WWOX: variants seen among roughly 807,000 people sequenced by gnomAD.
WWOX encodes the protein WW domain containing oxidoreductase.
Under a neutral mutation model 46.2 loss-of-function variants are expected in WWOX, and 69 were observed. The observed-to-expected ratio is 1.49, with a 90% CI of 1.23 to 1.82. The LOEUF is 1.82. WWOX is among the 40% of genes most tolerant of loss of function. The pLI, the probability that WWOX is intolerant of heterozygous loss-of-function variation, is 0.00. For missense variants in WWOX, 919 were observed against 542.6 expected, an observed-to-expected ratio of 1.69 and a Z score of -6.89; for synonymous variants, 359 against 202.6, an observed-to-expected ratio of 1.77 and a Z score of -6.56.
At chr16:78,763,277 G>A (rs1290781883) in intron 8 of WWOX, among the ~76,000 whole-genome samples, 1 of 152,190 alleles carries the variant, frequency 6.6e-6, no homozygotes, top group Non-Finnish European at 1.5e-5. Flanking sequence ...TTGGTATGTT[G>A]TATTTTCATT....
In WWOX at chr16:78,425,011, C is replaced by T. The variant is rs375934868; in HGVS notation, c.747C>T (p.Arg249=). Residue 249 remains arginine (R), a synonymous_variant, in exon 7 of 9, where the codon CGC becomes CGT. Transcript: ENST00000566780. ...LVQLLQDVLC[R]SAPARVIVVS... ...AGCTCCTCCAGGATGTTTTGTGCCGCTCAGCTCCTGCCCGTGTCATTGTGG... is the reference window on the plus strand; with the variant it reads ...AGCTCCTCCAGGATGTTTTGTGCCGTTCAGCTCCTGCCCGTGTCATTGTGG... 1.9e-6 allele frequency: 3 copies of T among 1,613,986 alleles called. No homozygotes were observed. The highest frequency in any genetic ancestry group is 1.7e-6 in the Non-Finnish European group (2 of 1,180,040).
rs773624479 is a variant in WWOX, at chr16:79,212,038, C to CTGTT, written c.*245_*248dup. 1.8e-4 allele frequency: 281 copies of CTGTT among 1,536,244 alleles called. 1 individual carries two copies. Among genetic ancestry groups the CTGTT allele is most frequent in the Middle Eastern group, 8.3e-4 (5 of 5,990 alleles). On this transcript the variant is annotated 3_prime_UTR_variant, in exon 9 of 9. Coordinates refer to ENST00000566780, the MANE Select transcript of WWOX (RefSeq NM_016373.4). The stretch of plus-strand genomic sequence containing the variant: ...GGTCTCTTTGCTTTCTGGTGGTGGC[C>CTGTT]TGTTTGAAAGTAAAAACCTGCTTGG...
intron 8 of WWOX, among the ~76,000 whole-genome samples, chr16:79,082,741 C>T (rs1237732300): frequency 6.6e-6 from 1 of 152,146 alleles, no homozygotes; most frequent in Non-Finnish European, 1.5e-5. Context: ...TCATGTGATG[C>T]AAACTTTTGA....
At chr16:79,122,839 A>G (rs756909646) in intron 8 of WWOX, among the ~76,000 whole-genome samples, 7 of 152,286 alleles carry the variant, frequency 4.6e-5, no homozygotes, top group Middle Eastern at 3.4e-3. Context: ...ACATCTTCAT[A>G]TGCCCATTTT....
rs548366256 is a variant in WWOX, at chr16:78,542,018, C to CAAAAAAAAAAAAAAAA, written c.1056+109279_1056+109294dup. On this transcript the variant is annotated intron_variant, in intron 8 of 8. Transcript: ENST00000566780. Reference sequence around the variant, plus strand: ...GAGGGTTTCTTTCAACAGAGTATACCAAAAAAAAAAAAAAAAAAAAAAAAA... The same window carrying CAAAAAAAAAAAAAAAA: ...GAGGGTTTCTTTCAACAGAGTATACCAAAAAAAAAAAAAAAAAAAAAAAAAAAAAAAAAAAAAAAAA... Among the ~76,000 whole-genome samples the CAAAAAAAAAAAAAAAA allele has an allele frequency of 4.9e-4, 20 of 40,638 alleles. 4 individuals are homozygous for CAAAAAAAAAAAAAAAA. Among genetic ancestry groups the CAAAAAAAAAAAAAAAA allele is most frequent in the Non-Finnish European group, 6.4e-4 (16 of 24,854 alleles). 26.7% of individuals were successfully genotyped at this position (40,638 alleles called of 152,430 possible).
intron 8 of WWOX, chr16:78,994,240 C>T (rs1049259552): frequency 1.3e-5 from 2 of 151,902 alleles, no homozygotes; most frequent in African/African-American, 4.8e-5. Flanking sequence ...TTTCCCCTAG[C>T]GTGCTGAAGG....
Position 78,512,699 on chromosome 16 carries a change from T to G in WWOX, c.1056+79947T>G, listed in dbSNP as rs2085391293. On this transcript the variant is annotated intron_variant, in intron 8 of 8. Transcript: ENST00000566780. ...TCGCAGGTTTTCATGTTATTATGTATATGTGGTAAATAATTAATTTTTTCA... is the reference window on the plus strand; with the variant it reads ...TCGCAGGTTTTCATGTTATTATGTAGATGTGGTAAATAATTAATTTTTTCA... Among the ~76,000 whole-genome samples the G allele has an allele frequency of 2.6e-5, 4 of 152,166 alleles. No homozygotes were observed. The South Asian group carries it at 8.3e-4, about 32-fold the overall frequency.
intron 8 of WWOX, among the ~76,000 whole-genome samples, chr16:78,818,391 T>C (rs776048035): frequency 1.3e-5 from 2 of 152,204 alleles, no homozygotes; most frequent in Non-Finnish European, 2.9e-5. Context: ...ACCACCTTCA[T>C]TGACTCAGGC....
intron 4 of WWOX, among the ~76,000 whole-genome samples, chr16:78,125,686 A>AC (rs1236766495): frequency 6.6e-6 from 1 of 152,100 alleles, no homozygotes. Flanking sequence ...ACATAGCAAG[A>AC]CCCCATCTCT....
intron 8 of WWOX, among the ~76,000 whole-genome samples, chr16:78,454,681 T>C (rs577887917): frequency 6.6e-6 from 1 of 152,112 alleles, no homozygotes; most frequent in African/African-American, 2.4e-5. Context: ...AATTTTTTTT[T>C]GTATTTTTAG....
chr16:79,179,707 G>T (rs2050871905), intron 8 of WWOX, among the ~76,000 whole-genome samples: 1 of 152,156 alleles, frequency 6.6e-6, no homozygotes. Flanking sequence ...CTTTAGTTGG[G>T]TATGGCCAGG....
In WWOX at chr16:78,365,537, G is replaced by T. The variant is rs112507644; in HGVS notation, c.517-21323G>T. 2.1e-3 allele frequency among the ~76,000 whole-genome samples: 320 copies of T among 152,232 alleles called. 2 individuals carry two copies. The highest frequency in any genetic ancestry group is 7.5e-3 in the African/African-American group (313 of 41,540). ...AAAAAGATTCAGATTCCTGCTGGAA[G>T]GTCCATATGTGCTGTCCCCAGTAGG... On this transcript the variant is annotated intron_variant, in intron 5 of 8. Coordinates refer to ENST00000566780, the MANE Select transcript of WWOX (RefSeq NM_016373.4).
intron 5 of WWOX, among the ~76,000 whole-genome samples, chr16:78,315,226 C>G (rs777732813): frequency 6.6e-6 from 1 of 152,182 alleles, no homozygotes; most frequent in South Asian, 2.1e-4. Context: ...TGAAATTGTT[C>G]TATATCTAAA....
intron 8 of WWOX, among the ~76,000 whole-genome samples, chr16:78,491,623 T>A (rs2084787422): frequency 6.6e-6 from 1 of 152,118 alleles, no homozygotes; most frequent in Admixed American, 6.5e-5. Context: ...CTACCACACC[T>A]GGCTACCGTG....
chr16:78,448,234 A>T (rs985218340), intron 8 of WWOX, among the ~76,000 whole-genome samples: 23 of 152,196 alleles, frequency 1.5e-4, no homozygotes, highest in Admixed American at 1.4e-3. Flanking sequence ...TGACCAAAGG[A>T]GCACAGTAAT....
chr16:78,970,021 C>T (rs192979561), intron 8 of WWOX, among the ~76,000 whole-genome samples: 1 of 151,556 alleles, frequency 6.6e-6, no homozygotes, highest in East Asian at 1.9e-4. Context: ...CTCAACAAAG[C>T]TGTTAAAAAA....
At chr16:78,643,551 C>T (rs955383146) in intron 8 of WWOX, among the ~76,000 whole-genome samples, 5 of 152,156 alleles carry the variant, frequency 3.3e-5, no homozygotes, top group Non-Finnish European at 7.3e-5. Flanking sequence ...ATCTCATTAG[C>T]ACTCCCCAGA....
intron 8 of WWOX, among the ~76,000 whole-genome samples, chr16:78,909,868 G>C (rs1266347261): frequency 1.3e-5 from 2 of 152,176 alleles, no homozygotes; most frequent in African/African-American, 4.8e-5. Flanking sequence ...ATGGCACATT[G>C]CATGCTTATT....
Position 78,784,638 on chromosome 16 carries a change from G to T in WWOX, c.1056+351886G>T, listed in dbSNP as rs550628322. ...GATAATAGATATAAAGCACTTAGAA[G>T]AGAGTTTGGCATTTGCTAGGCTCAC... is the stretch of plus-strand genomic sequence containing the variant. On this transcript the variant is annotated intron_variant, in intron 8 of 8. Transcript: ENST00000566780. Among the ~76,000 whole-genome samples the T allele has an allele frequency of 3.9e-5, 6 of 152,288 alleles. No homozygotes were observed. The East Asian group carries it at 7.7e-4, about 20-fold the overall frequency.
Sources: gnomAD v4.1 joint callset for allele counts (sites outside exome capture counted in the v4.1 genomes callset) on GRCh38, gnomAD v4.1.1 for gene constraint, MANE v1.5 for transcripts, NCBI Gene and HGNC (gene_info 2026-07-23, HGNC 2026-07-21) for gene names.